NRG3: variants seen among roughly 807,000 people sequenced by gnomAD.
The protein encoded by NRG3 is neuregulin 3, also known as pro-neuregulin-3, membrane-bound isoform.
Under a neutral mutation model 66.9 loss-of-function variants are expected in NRG3, and 31 were observed. The ratio of observed to expected loss-of-function variants is 0.46; its 90% CI spans 0.35 to 0.63. The LOEUF (loss-of-function observed/expected upper bound fraction) is 0.63. NRG3 is among the 20% of genes least tolerant of loss of function. The pLI is 0.00. For missense variants in NRG3, 910 were observed against 878.9 expected (o/e 1.04, Z -0.45); for synonymous variants, 393 against 359.4 (o/e 1.09, Z -1.06).
chr10:82,653,538 C>T (rs2051596190), intron 2 of NRG3, among the ~76,000 whole-genome samples: 1 of 151,952 alleles, frequency 6.6e-6, no homozygotes, highest in African/African-American at 2.4e-5. Context: ...GTAGAGAGGA[C>T]ATTTCTTCTT....
intron 2 of NRG3, among the ~76,000 whole-genome samples, chr10:82,616,026 A>G (rs1168396246): frequency 3.3e-5 from 5 of 152,312 alleles, no homozygotes; most frequent in African/African-American, 4.8e-5. Context: ...CACATACGCT[A>G]CACACACAGA....
chr10:82,094,447 A>C (rs2132028813), intron 1 of NRG3, among the ~76,000 whole-genome samples: 1 of 152,344 alleles, frequency 6.6e-6, no homozygotes, highest in South Asian at 2.1e-4. Flanking sequence ...TTCTCAGAGA[A>C]CTAGAAATAG....
chr10:82,964,336 G>A (rs960605140), intron 6 of NRG3, among the ~76,000 whole-genome samples: 1 of 152,130 alleles, frequency 6.6e-6, no homozygotes, highest in Non-Finnish European at 1.5e-5. Context: ...GGCAGGCTGG[G>A]GAGTTCATAT....
intron 2 of NRG3, among the ~76,000 whole-genome samples, chr10:82,498,253 CAA>C (rs1430735321): frequency 6.6e-6 from 1 of 151,848 alleles, no homozygotes; most frequent in Non-Finnish European, 1.5e-5. Flanking sequence ...GGGAAATAAA[CAA>C]GGGTGATTTT....
chr10:82,326,386 T>A (rs538534248), intron 1 of NRG3, among the ~76,000 whole-genome samples: 1 of 152,252 alleles, frequency 6.6e-6, no homozygotes, highest in East Asian at 1.9e-4. Flanking sequence ...CTTTATATGG[T>A]TTTCTTCATC....
chr10:82,729,181 A>C (rs2820099), intron 2 of NRG3, among the ~76,000 whole-genome samples: 132,456 of 152,124 alleles, frequency 0.87, 57,819 homozygotes, highest in African/African-American at 0.91. Flanking sequence ...GACTACCTAC[A>C]TTGAAAACTA....
intron 2 of NRG3, among the ~76,000 whole-genome samples, chr10:82,691,575 T>C (rs2054929791): frequency 6.6e-6 from 1 of 152,176 alleles, no homozygotes; most frequent in Non-Finnish European, 1.5e-5. Flanking sequence ...GAAACATAAA[T>C]AGACCCAGAA....
intron 1 of NRG3, among the ~76,000 whole-genome samples, chr10:82,207,992 A>G (rs532222408): frequency 1.1e-4 from 16 of 152,352 alleles, no homozygotes; most frequent in Non-Finnish European, 2.1e-4. Flanking sequence ...ATTAATTGAC[A>G]TACAGTATCT....
intron 1 of NRG3, among the ~76,000 whole-genome samples, chr10:82,233,325 A>G (rs1342220690): frequency 6.6e-6 from 1 of 152,214 alleles, no homozygotes; most frequent in Non-Finnish European, 1.5e-5. Flanking sequence ...AGATGGCGCC[A>G]CTGCACTCCA....
chr10:82,629,545 G>T (rs1007101216), intron 2 of NRG3, among the ~76,000 whole-genome samples: 1 of 152,142 alleles, frequency 6.6e-6, no homozygotes, highest in South Asian at 2.1e-4. Flanking sequence ...AGAGACAGAA[G>T]TATTTCTATC....
chr10:82,212,619 C>A, intron 1 of NRG3, among the ~76,000 whole-genome samples: 1 of 152,174 alleles, frequency 6.6e-6, no homozygotes, highest in East Asian at 1.9e-4. Flanking sequence ...ATACCGATGT[C>A]TCTAAATTAA....
At chr10:82,405,562 T>C (rs901538953) in intron 2 of NRG3, among the ~76,000 whole-genome samples, 2 of 149,916 alleles carry the variant, frequency 1.3e-5, no homozygotes, top group Non-Finnish European at 2.9e-5. Flanking sequence ...GTTCAAGTGA[T>C]TCTCATGCCT....
At chr10:82,743,218 T>C (rs753152027) in intron 3 of NRG3, among the ~76,000 whole-genome samples, 4 of 152,082 alleles carry the variant, frequency 2.6e-5, no homozygotes, top group Non-Finnish European at 4.4e-5. Context: ...GCTTAAACAC[T>C]TGGAGTCGTC....
At chr10:82,179,706 A>T (rs1301060043) in intron 1 of NRG3, among the ~76,000 whole-genome samples, 1 of 151,894 alleles carries the variant, frequency 6.6e-6, no homozygotes, top group Admixed American at 6.6e-5. Flanking sequence ...TTCTTTTTCA[A>T]GAGTGTTTTA....
intron 2 of NRG3, among the ~76,000 whole-genome samples, chr10:82,572,631 T>G (rs2045808264): frequency 6.6e-6 from 1 of 151,744 alleles, no homozygotes; most frequent in African/African-American, 2.4e-5. Flanking sequence ...TTTAGGTTTC[T>G]TCTTTTATTT....
intron 2 of NRG3, among the ~76,000 whole-genome samples, chr10:82,487,005 C>T (rs1842737512): frequency 6.6e-6 from 1 of 150,970 alleles, no homozygotes. Flanking sequence ...TTATAGTTAA[C>T]AATACTGTAC....
intron 1 of NRG3, among the ~76,000 whole-genome samples, chr10:82,333,785 C>T (rs1344534000): frequency 6.6e-6 from 1 of 152,054 alleles, no homozygotes; most frequent in Admixed American, 6.6e-5. Flanking sequence ...TCTCTTTTCT[C>T]ATGGAAAAAT....
chr10:82,589,194 T>G (rs2046845985), intron 2 of NRG3, among the ~76,000 whole-genome samples: 1 of 152,096 alleles, frequency 6.6e-6, no homozygotes, highest in Non-Finnish European at 1.5e-5. Flanking sequence ...AAACCATGGA[T>G]GCATTACCAA....
rs374586409 is a variant in NRG3 at position 82,978,974 on chromosome 10, A to G, written c.1437A>G (p.Pro479=). Residue 479 remains proline (P), a synonymous_variant, in exon 8 of 9, where the codon CCA becomes CCG. Coordinates refer to ENST00000372141, the MANE Select transcript of NRG3 (RefSeq NM_001010848.4). Reference sequence around the variant, plus strand: ...GGAGTCTATCCTCTTGCTGCAGCCCAGGGCAAAGAAGTGGCATGCTCCATA... The same window carrying G: ...GGAGTCTATCCTCTTGCTGCAGCCCGGGGCAAAGAAGTGGCATGCTCCATA... ...HHRSLSSCCS[P]GQRSGMLHRN... is the part of the protein sequence containing the mutation. The G allele has an allele frequency of 3.7e-5, 60 of 1,613,838 alleles. 1 individual carries two copies. The highest frequency in any genetic ancestry group is 3.3e-4 in the Middle Eastern group (2 of 6,084).
Sources: gnomAD v4.1 joint callset for allele counts (sites outside exome capture counted in the v4.1 genomes callset) on GRCh38, gnomAD v4.1.1 for gene constraint, MANE v1.5 for transcripts, NCBI Gene and HGNC (gene_info 2026-07-23, HGNC 2026-07-21) for gene names.